Variants in TMEM255A observed in about 807,000 individuals in gnomAD.
TMEM255A encodes the protein transmembrane protein 255A, also known as family with sequence similarity 70, member A.
In TMEM255A, 14 loss-of-function variants were observed where a neutral mutation model predicts 23.5. That is an observed-to-expected ratio of 0.60 (90% confidence interval 0.39 to 0.93). The LOEUF (loss-of-function observed/expected upper bound fraction) is 0.93. TMEM255A is among the 40% of genes least tolerant of loss of function. The pLI, the probability that TMEM255A is intolerant of heterozygous loss-of-function variation, is 0.00. For missense variants in TMEM255A, 233 were observed against 261.7 expected (o/e 0.89, Z 0.76); for synonymous variants, 104 against 100.3 (o/e 1.04, Z -0.22).
At chrX:120,269,312 T>C (rs1409539294) in intron 7 of TMEM255A, among the ~76,000 whole-genome samples, 1 of 111,981 alleles carries the variant, frequency 8.9e-6, no homozygotes, top group Non-Finnish European at 1.9e-5. Context: ...AGTAGGACTG[T>C]GCTTTGTGCC....
At chrX:120,255,641 TTATA>T (rs2057633305), downstream of TMEM255A, 1 of 383,124 alleles carries the variant, frequency 2.6e-6, no homozygotes, top group South Asian at 6.3e-5. Flanking sequence ...AAGTATCTGT[TTATA>T]TAGTTAGTTT....
chrX:120,288,794 A>T (rs2057894586), intron 4 of TMEM255A, among the ~76,000 whole-genome samples: 1 of 112,537 alleles, frequency 8.9e-6, no homozygotes, highest in Admixed American at 9.4e-5. Context: ...ATCCATTCCC[A>T]TTATTTAATT....
downstream of TMEM255A, chrX:120,255,289 C>T: frequency 8.3e-7 from 1 of 1,211,392 alleles, no homozygotes; most frequent in Non-Finnish European, 1.1e-6. Context: ...GGAAAAGAAC[C>T]TCCAGTAGGG....
At chrX:120,305,429 C>CA (rs111534543) in intron 1 of TMEM255A, among the ~76,000 whole-genome samples, 7,423 of 89,278 alleles carry the variant, frequency 0.083, 446 homozygotes, top group African/African-American at 0.2. Context: ...TAGGAGTTCT[C>CA]AAAAAAAAAA....
At chrX:120,254,174 G>A, downstream of TMEM255A, 1 of 1,211,675 alleles carries the variant, frequency 8.3e-7, no homozygotes, top group Non-Finnish European at 1.1e-6. Flanking sequence ...CTACTCCTGT[G>A]AATCAGGCAA....
At chrX:120,297,999 T>C (rs782495380) in intron 2 of TMEM255A, among the ~76,000 whole-genome samples, 30 of 111,415 alleles carry the variant, frequency 2.7e-4, no homozygotes, top group Non-Finnish European at 5.1e-4. Context: ...CCTCAAGAGC[T>C]TCATGGAATC....
rs1441791841 is a variant in TMEM255A, at chrX:120,304,361, G to A, written c.189C>T (p.Tyr63=). The part of the protein sequence containing the change: ...RTQNVTVGGY[Y]PGVILGFGSF... ...CTTCTATACTTACAATAACTCCGGG[G>A]TAATAACCTCCTACAGTCACATTCT... The change falls in exon 2 of 9, where the codon TAC becomes TAT. Residue 63 remains tyrosine, a synonymous_variant. Transcript: ENST00000371369. The A allele has an allele frequency of 4.1e-6, 5 of 1,210,041 alleles. No homozygotes were observed. The highest frequency in any genetic ancestry group is 3.4e-6 in the Non-Finnish European group (3 of 894,666).
downstream of TMEM255A, chrX:120,256,641 A>C (rs2057639618): frequency 8.1e-6 from 1 of 123,185 alleles, no homozygotes; most frequent in South Asian, 3.7e-4. Context: ...TACCACTTTT[A>C]AAAATGACAC....
Position 120,259,574 on chromosome X carries a change from G to A in TMEM255A, c.*1296C>T, listed in dbSNP as rs1414770285. ...CCTCCTGTAGCCCCTGTATTTTTAC[G>A]TTATAAAGTATAGGATTATCAATCT... On this transcript the variant is annotated 3_prime_UTR_variant, in exon 9 of 9. Coordinates refer to ENST00000371369, the MANE Select transcript of TMEM255A (RefSeq NM_001104544.3). The A allele has an allele frequency of 2.7e-5, 3 of 111,865 alleles. No homozygotes were observed. Among genetic ancestry groups the A allele is most frequent in the African/African-American group, 9.8e-5 (3 of 30,624 alleles). 9.2% of individuals were successfully genotyped at this position (111,865 alleles called of 1,213,427 possible). A position where few individuals can be genotyped will look rare whatever the true frequency, so the allele number is the denominator to read the frequency against.
At position 120,260,749 on chromosome X, in the gene TMEM255A, G is replaced by C. The variant is rs148448165; in HGVS notation, c.*121C>G. 4.6e-5 allele frequency: 44 copies of C among 963,660 alleles called. No individual in the cohort carries two copies. The African/African-American group carries it at 8.2e-4, about 18-fold the overall frequency. The allele number at this position is 963,660 out of a possible 1,213,427, so 79.4% of individuals were successfully genotyped here. ...CTTCGTCCCTATCTTTCCCTAGCCTGGCAGGCCATTGTAAAACTTTATGCA... is the reference window on the plus strand; with the variant it reads ...CTTCGTCCCTATCTTTCCCTAGCCTCGCAGGCCATTGTAAAACTTTATGCA... On this transcript the variant is annotated 3_prime_UTR_variant, in exon 9 of 9. Coordinates refer to ENST00000371369, the MANE Select transcript of TMEM255A (RefSeq NM_001104544.3).
At chrX:120,289,062 C>T (rs1556022367) in intron 4 of TMEM255A, among the ~76,000 whole-genome samples, 1 of 111,268 alleles carries the variant, frequency 9.0e-6, no homozygotes, top group African/African-American at 3.3e-5. Context: ...TGTTAAAGGG[C>T]CTCAACAATA....
chrX:120,296,925 ATAT>A (rs1335037634), intron 2 of TMEM255A, among the ~76,000 whole-genome samples: 15 of 1,108 alleles, frequency 0.014, 3 homozygotes, highest in Non-Finnish European at 0.02. Flanking sequence ...ATTATATATA[ATAT>A]TATATATATA....
chrX:120,308,238 T>C (rs1556027494), intron 1 of TMEM255A, among the ~76,000 whole-genome samples: 1 of 112,223 alleles, frequency 8.9e-6, no homozygotes, highest in Non-Finnish European at 1.9e-5. Context: ...TATCTGCCAG[T>C]CCCAGGATTG....
chrX:120,303,130 GT>G (rs1165867460), intron 2 of TMEM255A, among the ~76,000 whole-genome samples: 1 of 111,494 alleles, frequency 9.0e-6, no homozygotes, highest in Non-Finnish European at 1.9e-5. Flanking sequence ...CTCAAATTAG[GT>G]TTTGGTTTTT....
chrX:120,254,181 G>A, downstream of TMEM255A: 5 of 1,211,491 alleles, frequency 4.1e-6, no homozygotes, highest in Non-Finnish European at 5.6e-6. Context: ...TGTGAATCAG[G>A]CAACTTTGAG....
At chrX:120,278,636 A>G (rs2057816653) in intron 6 of TMEM255A, among the ~76,000 whole-genome samples, 1 of 112,098 alleles carries the variant, frequency 8.9e-6, no homozygotes, top group Admixed American at 9.4e-5. Flanking sequence ...AATCTAAAAC[A>G]CTTAAAGTCA....
intron 8 of TMEM255A, among the ~76,000 whole-genome samples, chrX:120,266,783 T>C (rs1467388227): frequency 1.8e-5 from 2 of 112,588 alleles, no homozygotes; most frequent in African/African-American, 6.5e-5. Context: ...CTGCATTCTC[T>C]TGAAGAATTC....
chrX:120,307,363 C>A (rs1485040817), intron 1 of TMEM255A, among the ~76,000 whole-genome samples: 3 of 111,714 alleles, frequency 2.7e-5, no homozygotes, highest in Non-Finnish European at 5.6e-5. Context: ...TATTCTGGTA[C>A]AATTTGGGGC....
chrX:120,260,734 A>G lies in TMEM255A; in HGVS notation c.*136T>C, dbSNP rs1364243950. On this transcript the variant is annotated 3_prime_UTR_variant, in exon 9 of 9. Transcript: ENST00000371369. ...CTAATAATGAATAAGCTTCGTCCCT[A>G]TCTTTCCCTAGCCTGGCAGGCCATT... The G allele has an allele frequency of 8.9e-6, 8 of 894,034 alleles. No individual in the cohort carries two copies. Among genetic ancestry groups the G allele is most frequent in the East Asian group, 3.5e-5 (1 of 28,762 alleles). The allele number at this position is 894,034 out of a possible 1,213,427, so 73.7% of individuals were successfully genotyped here. A position where few individuals can be genotyped will look rare whatever the true frequency, so the allele number is the denominator to read the frequency against.
Sources: gnomAD v4.1 joint callset for allele counts (sites outside exome capture counted in the v4.1 genomes callset) on GRCh38, gnomAD v4.1.1 for gene constraint, MANE v1.5 for transcripts, NCBI Gene and HGNC (gene_info 2026-07-23, HGNC 2026-07-21) for gene names.